SERF2: variants seen among roughly 807,000 people sequenced by gnomAD.
SERF2 encodes the protein gastric cancer-related protein VRG107.
In SERF2, 4 loss-of-function variants were observed where a neutral mutation model predicts 10.7. The ratio of observed to expected loss-of-function variants is 0.37; its 90% CI spans 0.18 to 0.86. The LOEUF (loss-of-function observed/expected upper bound fraction) is 0.86. Ranked by LOEUF, SERF2 falls within the 40% of genes least tolerant of loss-of-function variation. The pLI is 0.43. For synonymous variants in SERF2, 26 were observed against 26.0 expected, an observed-to-expected ratio of 1.00 and a Z score of 0.01; for missense variants, 47 against 79.1, an observed-to-expected ratio of 0.59 and a Z score of 1.54.
chr15:43,792,871 TTGAAG>T, intron 1 of SERF2, 99 bp from the exon 2 acceptor site: 2 of 821,434 alleles, frequency 2.4e-6, no homozygotes, highest in Non-Finnish European at 3.9e-6. Flanking sequence ...GGCCCGGAGA[TTGAAG>T]TGGTGTTGGA....
In SERF2 at chr15:43,794,951, C is replaced by G. The variant is rs1201902025; in HGVS notation, c.*1178C>G. The G allele has an allele frequency of 6.8e-7, 1 of 1,468,032 alleles. No homozygotes were observed. Among genetic ancestry groups the G allele is most frequent in the Non-Finnish European group, 9.3e-7 (1 of 1,073,766 alleles). The allele number at this position is 1,468,032 out of a possible 1,614,324, so 90.9% of individuals were successfully genotyped here. A position where few individuals can be genotyped will look rare whatever the true frequency, so the allele number is the denominator to read the frequency against. On this transcript the variant is annotated 3_prime_UTR_variant, in exon 3 of 3. Transcript: ENST00000249786. ...GCTGGGCTGGACAGCTCCCCTTGAG[C>G]CAACTCTAGGAGTACAATGTCAGGG...
intron 1 of SERF2, among the ~76,000 whole-genome samples, chr15:43,779,649 A>G (rs1165489390): frequency 6.6e-6 from 1 of 151,646 alleles, no homozygotes; most frequent in African/African-American, 2.4e-5. Context: ...GTGCCACCAT[A>G]CCTAGCAATT....
chr15:43,792,950 C>T (rs376997057), intron 1 of SERF2, 25 bp from the exon 2 acceptor site: 39 of 1,553,464 alleles, frequency 2.5e-5, no homozygotes, highest in African/African-American at 8.1e-5. Flanking sequence ...GCCCCCGCGT[C>T]TCACCTTTAA....
chr15:43,785,564 G>C (rs971834835), intron 2 of SERF2: 5 of 151,802 alleles, frequency 3.3e-5, no homozygotes, highest in Non-Finnish European at 7.4e-5. Flanking sequence ...GCTGTTTTCT[G>C]AATATCTGTT....
In SERF2 at chr15:43,794,904, C is replaced by G. The variant is rs1050669355; in HGVS notation, c.*1131C>G. On this transcript the variant is annotated 3_prime_UTR_variant, in exon 3 of 3. Coordinates refer to ENST00000249786, the MANE Select transcript of SERF2 (RefSeq NM_001018108.4). Reference sequence around the variant, plus strand: ...CTTCAGCCCAAACGGAGATAACTCCCTGTGTGTCCTTGAGGTATTGAGCTG... The same window carrying G: ...CTTCAGCCCAAACGGAGATAACTCCGTGTGTGTCCTTGAGGTATTGAGCTG... 4.4e-6 allele frequency: 4 copies of G among 916,610 alleles called. No homozygotes were observed. In the East Asian group the frequency reaches 9.6e-5, roughly 22 times the overall value. 56.8% of individuals were successfully genotyped at this position (916,610 alleles called of 1,614,324 possible).
Position 43,795,096 on chromosome 15 carries a change from T to A in SERF2, c.*1323T>A. The A allele has an allele frequency of 6.2e-7, 1 of 1,613,664 alleles. No homozygotes were observed. The highest frequency in any genetic ancestry group is 8.5e-7 in the Non-Finnish European group (1 of 1,179,946). On this transcript the variant is annotated 3_prime_UTR_variant, in exon 3 of 3. Transcript: ENST00000249786. The stretch of plus-strand genomic sequence containing the variant: ...GTTTCTGGGTGGGGGGCCAACAGAG[T>A]GGTGCCAGTAACAGCCCCAGATAGA...
rs1249168235 is a variant in SERF2, at chr15:43,793,755, G to A, written c.162G>A (p.Lys54=). Residue 54 remains lysine, a synonymous_variant, in exon 3 of 3, where the codon AAG becomes AAA. Transcript: ENST00000249786. ...AGAAGCAGAAAAAGGCAAACGAGAAGAAGGAGGAACCCAAGTAGCTTTGTG... is the reference window on the plus strand; with the variant it reads ...AGAAGCAGAAAAAGGCAAACGAGAAAAAGGAGGAACCCAAGTAGCTTTGTG... ...MQQKQKKANE[K]KEEPK 6.2e-7 allele frequency: 1 copy of A among 1,614,090 alleles called. No individual in the cohort carries two copies. The highest frequency in any genetic ancestry group is 1.3e-5 in the African/African-American group (1 of 74,928).
Position 43,795,641 on chromosome 15 carries a change from C to T in SERF2, c.*1868C>T. 3 of 1,611,198 alleles carry T rather than the reference C, an allele frequency of 1.9e-6. No homozygotes were observed. The highest frequency in any genetic ancestry group is 2.5e-6 in the Non-Finnish European group (3 of 1,177,908). On this transcript the variant is annotated 3_prime_UTR_variant, in exon 3 of 3. Coordinates refer to ENST00000249786, the MANE Select transcript of SERF2 (RefSeq NM_001018108.4). ...AAGGCTCTTGAGGGTTCTTATGGCA[C>T]TCCACAGAGATCTACCACTTCTTAT...
chr15:43,792,827 C>T (rs1195508475), intron 1 of SERF2, 148 bp from the exon 2 acceptor site: 1 of 704,842 alleles, frequency 1.4e-6, no homozygotes, highest in African/African-American at 1.8e-5. Context: ...CCCCCCTACC[C>T]CAAGCAGCCT....
chr15:43,793,651 T>A, intron 2 of SERF2, 59 bp from the exon 3 acceptor site: 1 of 1,614,020 alleles, frequency 6.2e-7, no homozygotes. Flanking sequence ...TTCATCCCCC[T>A]GCATCTTGTC....
chr15:43,790,522 G>C (rs989610503), upstream of SERF2, among the ~76,000 whole-genome samples: 1 of 151,914 alleles, frequency 6.6e-6, no homozygotes, highest in Non-Finnish European at 1.5e-5. Context: ...CTTGCACTTT[G>C]GGGGGCCAAG....
At chr15:43,781,884 ACTTCTT>A (rs200050476) in intron 1 of SERF2, among the ~76,000 whole-genome samples, 2 of 89,556 alleles carry the variant, frequency 2.2e-5, no homozygotes, top group Admixed American at 1.5e-4. Flanking sequence ...ACCTGGTCCT[ACTTCTT>A]CTTCTTTTTT....
chr15:43,792,591 C>A (rs1042496921), intron 1 of SERF2: 3 of 1,448,664 alleles, frequency 2.1e-6, no homozygotes, highest in East Asian at 2.5e-5. Context: ...TAGGCATAGG[C>A]CCTCCCGGAT....
rs772373888 is a variant in SERF2, at chr15:43,792,392, C to T, written c.7+9C>T. On this transcript the variant is annotated intron_variant, in intron 1 of 2. Transcript: ENST00000249786. ...TGCCGTCGCCATGACCCGTGAGCAC[C>T]GAGCCCCCTTCTCCTTGCCCTTTTC... The T allele has an allele frequency of 1.2e-6, 2 of 1,613,792 alleles. No homozygotes were observed. Among genetic ancestry groups the T allele is most frequent in the East Asian group, 2.2e-5 (1 of 44,882 alleles).
chr15:43,779,318 T>C (rs1355701133), intron 1 of SERF2, among the ~76,000 whole-genome samples: 1 of 151,932 alleles, frequency 6.6e-6, no homozygotes, highest in East Asian at 1.9e-4. Flanking sequence ...GGTGTGAAAA[T>C]AGTGTGAAAC....
exon 1 of SERF2, chr15:43,777,299 C>A (rs761715471): frequency 2.6e-5 from 10 of 384,882 alleles, no homozygotes; most frequent in Non-Finnish European, 5.2e-5. Context: ...GCTGAACCTG[C>A]AACCCCTTGA....
chr15:43,787,511 C>A (rs1006325623), upstream of SERF2, among the ~76,000 whole-genome samples: 10 of 152,298 alleles, frequency 6.6e-5, no homozygotes, highest in African/African-American at 2.4e-4. Context: ...GATTCTCCTG[C>A]CTCAGACTCC....
rs550153470 is a variant in SERF2 at position 43,783,612 on chromosome 15, T to G, written c.-526-1798T>G. Among the ~76,000 whole-genome samples the G allele has an allele frequency of 7.9e-5, 12 of 151,704 alleles. No individual in the cohort carries two copies. The South Asian group carries it at 2.3e-3, about 29-fold the overall frequency. ...CCACCAAGCCTGGCTTCATAATTTTTTTTAAGAGACAGAATTTTGCCCTGT... is the reference window on the plus strand; with the variant it reads ...CCACCAAGCCTGGCTTCATAATTTTGTTTAAGAGACAGAATTTTGCCCTGT... On this transcript the variant is annotated intron_variant, in intron 1 of 4. Coordinates refer to the SERF2 transcript ENST00000381359.
chr15:43,779,869 C>G lies in SERF2; in HGVS notation c.-527+2367C>G, dbSNP rs367872479. On this transcript the variant is annotated intron_variant, in intron 1 of 4. Transcript: ENST00000381359. ...TTAATTATGAATGTAGGCAACAAAT[C>G]ACTGGTACTGGCAGTAACTGCAATG... Among the ~76,000 whole-genome samples the G allele has an allele frequency of 7.6e-4, 116 of 152,228 alleles. 1 individual carries two copies. In the South Asian group the frequency reaches 0.023, roughly 30 times the overall value.
Sources: allele counts gnomAD v4.1 joint callset (sites outside exome capture counted in the v4.1 genomes callset), GRCh38; gene constraint gnomAD v4.1.1; transcripts MANE v1.5; gene names NCBI Gene and HGNC (gene_info 2026-07-23, HGNC 2026-07-21).